PRTG: variants seen among roughly 807,000 people sequenced by gnomAD.
PRTG encodes the protein protogenin.
In PRTG, 67 loss-of-function variants were observed where a neutral mutation model predicts 122.5. The observed-to-expected ratio is 0.55, with a 90% CI of 0.45 to 0.67. PRTG has a LOEUF of 0.67. Ranked by LOEUF, PRTG falls within the 30% of genes least tolerant of loss-of-function variation. The probability of loss-of-function intolerance (pLI) is 0.00; values close to 1 mark genes in which losing one functional copy is unlikely to be tolerated. For missense variants in PRTG, 1,435 were observed against 1,415.4 expected (o/e 1.01, Z -0.22); for synonymous variants, 554 against 501.1 (o/e 1.11, Z -1.41).
chr15:55,620,170 T>C lies in PRTG; in HGVS notation c.3295A>G (p.Thr1099Ala), dbSNP rs188549572. 115 of 1,614,228 alleles carry C rather than the reference T, an allele frequency of 7.1e-5. No individual in the cohort carries two copies. The highest frequency in any genetic ancestry group is 2.3e-4 in the South Asian group (21 of 91,086). ...EDSPSSPGQTTSFSRPFGVAA... is the reference protein window; with the variant it reads ...EDSPSSPGQTASFSRPFGVAA... ...ACACCAAAGGGTCTTGAGAAGCTGG[T>C]TGTCTGACCTGGGGAGCTAGGGGAG... Residue 1099 changes from threonine (T) to alanine (A), a missense_variant, in exon 20 of 20, where the codon ACC (threonine) becomes GCC (alanine). Transcript: ENST00000389286.
intron 2 of PRTG, among the ~76,000 whole-genome samples, chr15:55,723,752 CTTTT>C (rs769469226): frequency 7.9e-6 from 1 of 127,100 alleles, no homozygotes; most frequent in African/African-American, 2.9e-5. Flanking sequence ...TTTCTTTTTT[CTTTT>C]TTTTTTTTTT....
chr15:55,738,050 A>ACC (rs1231895100), intron 2 of PRTG, among the ~76,000 whole-genome samples: 2 of 111,146 alleles, frequency 1.8e-5, no homozygotes, highest in African/African-American at 3.4e-5. Context: ...ACACACACAC[A>ACC]CCACACACAC....
intron 11 of PRTG, among the ~76,000 whole-genome samples, chr15:55,647,482 C>A (rs1016853668): frequency 1.3e-5 from 2 of 152,180 alleles, no homozygotes; most frequent in Non-Finnish European, 2.9e-5. Context: ...GTATTATTTA[C>A]CCCTAACAGT....
chr15:55,649,575 A>C (rs980361951), intron 11 of PRTG, among the ~76,000 whole-genome samples: 5 of 152,152 alleles, frequency 3.3e-5, no homozygotes, highest in African/African-American at 9.7e-5. Context: ...AGTTGAGGCC[A>C]TGAGTTAGAG....
At chr15:55,703,489 T>C (rs74909667) in intron 2 of PRTG, among the ~76,000 whole-genome samples, 1,733 of 152,048 alleles carry the variant, frequency 0.011, 42 homozygotes, top group African/African-American at 0.039. Flanking sequence ...ACACCAGAAG[T>C]AGATGTAGAA....
At chr15:55,659,080 T>A (rs1343302013) in intron 11 of PRTG, among the ~76,000 whole-genome samples, 2 of 152,196 alleles carry the variant, frequency 1.3e-5, no homozygotes, top group African/African-American at 4.8e-5. Flanking sequence ...CTAGTTCCTA[T>A]GATAAATCAA....
At chr15:55,679,787 G>A (rs953957420) in intron 6 of PRTG, 2 of 459,384 alleles carry the variant, frequency 4.4e-6, no homozygotes, top group East Asian at 3.6e-5. Flanking sequence ...ATAGGTACAC[G>A]GATATGTGTG....
At chr15:55,697,039 G>C (rs148131169) in intron 2 of PRTG, among the ~76,000 whole-genome samples, 1 of 152,094 alleles carries the variant, frequency 6.6e-6, no homozygotes, top group Non-Finnish European at 1.5e-5. Context: ...TAATACCTGA[G>C]AATTTGTTGC....
chr15:55,663,113 C>T (rs1249299291), intron 11 of PRTG, among the ~76,000 whole-genome samples: 1 of 152,184 alleles, frequency 6.6e-6, no homozygotes, highest in African/African-American at 2.4e-5. Context: ...ATTTCTTCCT[C>T]TCCTTAATCA....
rs202040287 is a variant in PRTG at position 55,691,315 on chromosome 15, A to AG, written c.398-7385dup. Reference sequence around the variant, plus strand: ...CTGTTTCAAAAAAAAAAAAAAAAAAAGTACAGGTTCTACTCCTAAGCAATT... The same window carrying AG: ...CTGTTTCAAAAAAAAAAAAAAAAAAAGGTACAGGTTCTACTCCTAAGCAATT... On this transcript the variant is annotated intron_variant, in intron 2 of 19. Transcript: ENST00000389286. Among the ~76,000 whole-genome samples the AG allele has an allele frequency of 3.8e-3, 543 of 144,334 alleles. 4 individuals are homozygous for AG. The highest frequency in any genetic ancestry group is 8.0e-3 in the African/African-American group (300 of 37,704). 94.7% of individuals were successfully genotyped at this position (144,334 alleles called of 152,430 possible). A position where few individuals can be genotyped will look rare whatever the true frequency, so the allele number is the denominator to read the frequency against.
At chr15:55,668,403 GAAAC>G (rs1047239769) in intron 11 of PRTG, among the ~76,000 whole-genome samples, 87 of 152,172 alleles carry the variant, frequency 5.7e-4, no homozygotes, top group African/African-American at 1.9e-3. Context: ...GCCAATTTCT[GAAAC>G]AAACAGATGA....
chr15:55,660,101 T>C (rs1459440630), intron 11 of PRTG, among the ~76,000 whole-genome samples: 2 of 152,182 alleles, frequency 1.3e-5, no homozygotes, highest in Non-Finnish European at 2.9e-5. Flanking sequence ...ATATATTATG[T>C]ATGTTATAAA....
chr15:55,667,219 A>C (rs2059443766), intron 11 of PRTG, among the ~76,000 whole-genome samples: 2 of 152,144 alleles, frequency 1.3e-5, no homozygotes, highest in African/African-American at 2.4e-5. Context: ...AAAAAAAAAA[A>C]AAACAGATAA....
At chr15:55,718,497 C>A (rs751511319) in intron 2 of PRTG, among the ~76,000 whole-genome samples, 7 of 151,980 alleles carry the variant, frequency 4.6e-5, no homozygotes, top group African/African-American at 1.7e-4. Flanking sequence ...CCCGCTTTGA[C>A]GGTAATTTTC....
rs776279189 is a variant in PRTG, at chr15:55,620,124, G to A, written c.3341C>T (p.Ser1114Leu). The change falls in exon 20 of 20, where the codon TCA becomes TTA. Residue 1114 changes from serine to leucine, a missense_variant. Transcript: ENST00000389286. ...CTCATGGCTGCCTTCACTATTTGCT[G>A]AATGTTCTGTATCAGCTGCAACACC... Reference protein sequence around the residue: ...PFGVAADTEHSANSEGSHETG... With the variant: ...PFGVAADTEHLANSEGSHETG... 1 of 1,614,078 alleles carries A rather than the reference G, an allele frequency of 6.2e-7. No individual in the cohort carries two copies. The highest frequency in any genetic ancestry group is 1.3e-5 in the African/African-American group (1 of 74,924).
At chr15:55,661,615 T>C (rs922819182) in intron 11 of PRTG, among the ~76,000 whole-genome samples, 1 of 152,164 alleles carries the variant, frequency 6.6e-6, no homozygotes, top group Non-Finnish European at 1.5e-5. Context: ...ACAAAATGCA[T>C]GCATATGAAT....
intron 18 of PRTG, among the ~76,000 whole-genome samples, chr15:55,622,143 G>A (rs993795940): frequency 5.3e-5 from 8 of 149,574 alleles, no homozygotes; most frequent in Non-Finnish European, 1.0e-4. Context: ...TCCCCACTCT[G>A]CTTCTCTCCT....
intron 11 of PRTG, among the ~76,000 whole-genome samples, chr15:55,647,040 T>G (rs2059328055): frequency 6.6e-6 from 1 of 152,034 alleles, no homozygotes; most frequent in Admixed American, 6.6e-5. Flanking sequence ...ATGCCTGTAA[T>G]CCCAGCATTT....
chr15:55,701,316 C>A (rs2059662294), intron 2 of PRTG, among the ~76,000 whole-genome samples: 1 of 152,294 alleles, frequency 6.6e-6, no homozygotes, highest in East Asian at 1.9e-4. Flanking sequence ...GCGGGTGGAT[C>A]ATGAGGTCAG....
Sources: gnomAD v4.1 joint callset for allele counts (sites outside exome capture counted in the v4.1 genomes callset) on GRCh38, gnomAD v4.1.1 for gene constraint, MANE v1.5 for transcripts, NCBI Gene and HGNC (gene_info 2026-07-23, HGNC 2026-07-21) for gene names.